TCF20: variants seen among roughly 807,000 people sequenced by gnomAD.
TCF20 encodes transcription factor 20.
Under a neutral mutation model 148.6 loss-of-function variants are expected in TCF20, and 3 were observed. The ratio of observed to expected loss-of-function variants is 0.02; its 90% CI spans 0.01 to 0.05. TCF20 has a LOEUF of 0.05. Among genes scored for constraint, TCF20 ranks in the 10% least tolerant of loss-of-function variants. The pLI is 1.00. For synonymous variants in TCF20, 1,049 were observed against 909.5 expected, an observed-to-expected ratio of 1.15 and a Z score of -2.76; for missense variants, 2,350 against 2,429.3, an observed-to-expected ratio of 0.97 and a Z score of 0.69.
Position 42,199,673 on chromosome 22 carries a change from C to T in TCF20, c.5655+9978G>A, listed in dbSNP as rs77083914. ...TCACCTGAGGTCAGCAGTTCGAGAC[C>T]AGACTGGCTAACATGGCAAAACCCC... On this transcript the variant is annotated intron_variant, in intron 2 of 5. Transcript: ENST00000677622. Among the ~76,000 whole-genome samples, 622 of 123,094 alleles carry T rather than the reference C, an allele frequency of 5.1e-3. 2 individuals carry two copies. Among genetic ancestry groups the T allele is most frequent in the African/African-American group, 0.019 (583 of 31,036 alleles). The allele number at this position is 123,094 out of a possible 152,430, so 80.8% of individuals were successfully genotyped here.
intron 1 of TCF20, among the ~76,000 whole-genome samples, chr22:42,246,621 C>T (rs1282837925): frequency 6.6e-6 from 1 of 152,172 alleles, no homozygotes; most frequent in Non-Finnish European, 1.5e-5. Flanking sequence ...AGTGCCAATA[C>T]CATAATCTTG....
intron 1 of TCF20, among the ~76,000 whole-genome samples, chr22:42,255,505 AC>A (rs1218646868): frequency 6.6e-6 from 1 of 150,560 alleles, no homozygotes; most frequent in African/African-American, 2.5e-5. Flanking sequence ...AACAACAACA[AC>A]AACAACAACA....
chr22:42,211,196 C>G lies in TCF20; in HGVS notation c.4110G>C (p.Ser1370=), dbSNP rs746494302. The G allele has an allele frequency of 6.2e-7, 1 of 1,614,120 alleles. No individual in the cohort carries two copies. The highest frequency in any genetic ancestry group is 2.2e-5 in the East Asian group (1 of 44,862). ...TSPNIRRSAS[S]NSAEAGGDTV... ...TGTCTCCCCCAGCCTCCGCACTGTTCGAAGATGCGCTCCTCCTAATATTTG... is the reference window on the plus strand; with the variant it reads ...TGTCTCCCCCAGCCTCCGCACTGTTGGAAGATGCGCTCCTCCTAATATTTG... The change falls in exon 2 of 6, where the codon TCG becomes TCC. Residue 1370 remains serine (S), a synonymous_variant. Coordinates refer to ENST00000677622, the MANE Select transcript of TCF20 (RefSeq NM_001378418.1).
chr22:42,281,465 T>C (rs1926900931), intron 1 of TCF20, among the ~76,000 whole-genome samples: 1 of 152,068 alleles, frequency 6.6e-6, no homozygotes, highest in African/African-American at 2.4e-5. Flanking sequence ...TGTCGCCGCC[T>C]CTCCCCACTC....
At position 42,213,737 on chromosome 22, in the gene TCF20, G is replaced by A. The variant is rs1311422617; in HGVS notation, c.1569C>T (p.Cys523=). The part of the protein sequence containing the change: ...SPMAESLDGG[C]SSSSEDQGER... The stretch of plus-strand genomic sequence containing the variant: ...CGCCTTGATCCTCTGAACTGCTGGA[G>A]CAGCCTCCATCTAATGACTCTGCCA... The change falls in exon 2 of 6, where the codon TGC becomes TGT. Residue 523 remains cysteine, a synonymous_variant. Transcript: ENST00000677622. The A allele has an allele frequency of 2.5e-6, 4 of 1,614,124 alleles. No homozygotes were observed. The South Asian group carries it at 4.4e-5, about 18-fold the overall frequency.
chr22:42,281,473 C>T (rs1042776150), intron 1 of TCF20, among the ~76,000 whole-genome samples: 5 of 152,236 alleles, frequency 3.3e-5, no homozygotes, highest in African/African-American at 1.2e-4. Context: ...CCTCTCCCCA[C>T]TCTTCCCTTC....
chr22:42,174,212 A>T (rs1398066363), intron 3 of TCF20, among the ~76,000 whole-genome samples: 1 of 151,916 alleles, frequency 6.6e-6, no homozygotes, highest in East Asian at 1.9e-4. Flanking sequence ...TGGCCACTTA[A>T]GTTTACATTA....
chr22:42,294,793 G>C (rs1927201086), intron 1 of TCF20, among the ~76,000 whole-genome samples: 1 of 152,242 alleles, frequency 6.6e-6, no homozygotes, highest in Non-Finnish European at 1.5e-5. Context: ...CACCACGCCT[G>C]GACTGTCCAA....
At chr22:42,242,465 A>C (rs78911269) in intron 1 of TCF20, among the ~76,000 whole-genome samples, 3,272 of 152,116 alleles carry the variant, frequency 0.022, 134 homozygotes, top group African/African-American at 0.074. Context: ...GTACCACCAC[A>C]ATTAAATATC....
intron 2 of TCF20, among the ~76,000 whole-genome samples, chr22:42,192,397 C>G (rs1321360470): frequency 3.9e-5 from 6 of 152,098 alleles, no homozygotes; most frequent in Non-Finnish European, 8.8e-5. Context: ...TTCATATTAC[C>G]TTCCTCTTTC....
At chr22:42,340,142 G>A (rs1469770335) in intron 1 of TCF20, among the ~76,000 whole-genome samples, 5 of 152,156 alleles carry the variant, frequency 3.3e-5, no homozygotes, top group African/African-American at 1.2e-4. Context: ...GGCCCCCTTA[G>A]AGCCGTCCAG....
rs752452977 is a variant in TCF20, at chr22:42,211,473, G to A, written c.3833C>T (p.Thr1278Ile). 14 of 1,614,028 alleles carry A rather than the reference G, an allele frequency of 8.7e-6. No homozygotes were observed. Among genetic ancestry groups the A allele is most frequent in the Non-Finnish European group, 1.1e-5 (13 of 1,180,050 alleles). Reference sequence around the variant, plus strand: ...GTGAAGGAGGCGACCTTTATCTTCAGTGCTACTGTTCTTTACATCTTGTGA... The same window carrying A: ...GTGAAGGAGGCGACCTTTATCTTCAATGCTACTGTTCTTTACATCTTGTGA... Reference protein sequence around the residue: ...RQSQDVKNSSTEDKGRLLHSS... With the variant: ...RQSQDVKNSSIEDKGRLLHSS... The change falls in exon 2 of 6, where the codon ACT becomes ATT. Residue 1278 changes from threonine to isoleucine, a missense_variant. Thr to Ile is a moderately conservative substitution (Grantham distance 89). Coordinates refer to ENST00000677622, the MANE Select transcript of TCF20 (RefSeq NM_001378418.1).
At chr22:42,162,268 C>A (rs1257236291) in intron 5 of TCF20, among the ~76,000 whole-genome samples, 2 of 152,142 alleles carry the variant, frequency 1.3e-5, no homozygotes, top group African/African-American at 4.8e-5. Flanking sequence ...TGAGCCACTA[C>A]ACCTGGCCCA....
At position 42,297,084 on chromosome 22, in the gene TCF20, A is replaced by C. The variant is rs971457989; in HGVS notation, c.-37+46395T>G. 2.6e-5 allele frequency among the ~76,000 whole-genome samples: 4 copies of C among 152,198 alleles called. No homozygotes were observed. Among genetic ancestry groups the C allele is most frequent in the African/African-American group, 9.6e-5 (4 of 41,452 alleles). On this transcript the variant is annotated intron_variant, in intron 1 of 1. Transcript: ENST00000515426. The surrounding 1 kb of genome is among the most constrained non-coding windows in gnomAD (Gnocchi z 4.3). ...CACAGCAAACTGGAGAAGTCAGTTT[A>C]AACTTGGGCCCCAGAACCTGTGTCC... is the stretch of plus-strand genomic sequence containing the variant.
intron 1 of TCF20, among the ~76,000 whole-genome samples, chr22:42,242,714 C>G (rs951636272): frequency 1.3e-5 from 2 of 151,766 alleles, no homozygotes; most frequent in African/African-American, 4.8e-5. Context: ...TGGTGAAACC[C>G]CATCTCTACT....
At chr22:42,260,950 T>A (rs1925995856) in intron 1 of TCF20, among the ~76,000 whole-genome samples, 1 of 152,216 alleles carries the variant, frequency 6.6e-6, no homozygotes, top group Non-Finnish European at 1.5e-5. Flanking sequence ...TCAGTTTTGA[T>A]GAATGCCTAT....
chr22:42,339,578 C>T lies in TCF20; in HGVS notation c.-37+3901G>A, dbSNP rs1272283620. 2.0e-5 allele frequency among the ~76,000 whole-genome samples: 3 copies of T among 152,344 alleles called. No homozygotes were observed. In the East Asian group the frequency reaches 5.8e-4, roughly 29 times the overall value. ...CCACAAAAACGGCGCTCACTCTGCA[C>T]CCACTCTGCGTCAGCATGTGCTGGA... On this transcript the variant is annotated intron_variant, in intron 1 of 1. Transcript: ENST00000515426.
rs1212166836 is a variant in TCF20 at position 42,214,155 on chromosome 22, G to C, written c.1151C>G (p.Ser384Cys). ...ASVVQSPSCS[S>C]TPSPLMQTGE... ...AGTCTGCATGAGAGGAGATGGGGTA[G>C]AACTACAGCTTGGAGACTGAACCAC... is the stretch of plus-strand genomic sequence containing the variant. The change falls in exon 2 of 6, where the codon TCT (serine) becomes TGT (cysteine). Residue 384 changes from serine to cysteine, a missense_variant. Ser to Cys is a moderately radical substitution (Grantham distance 112). Coordinates refer to ENST00000677622, the MANE Select transcript of TCF20 (RefSeq NM_001378418.1). 2 of 1,614,234 alleles carry C rather than the reference G, an allele frequency of 1.2e-6. No individual in the cohort carries two copies. The highest frequency in any genetic ancestry group is 1.3e-5 in the African/African-American group (1 of 75,050).
At chr22:42,179,748 C>T (rs1340451574) in intron 2 of TCF20, 46 bp from the exon 3 acceptor site, 11 of 1,356,906 alleles carry the variant, frequency 8.1e-6, no homozygotes, top group African/African-American at 5.7e-5. Flanking sequence ...CCAGATTTGG[C>T]CCTCTCCTCC....
Sources: allele counts gnomAD v4.1 joint callset (sites outside exome capture counted in the v4.1 genomes callset), GRCh38; gene constraint gnomAD v4.1.1; non-coding constraint Gnocchi (gnomAD v3.1); transcripts MANE v1.5; gene names NCBI Gene and HGNC (gene_info 2026-07-23, HGNC 2026-07-21).